FADS3: variants seen among roughly 807,000 people sequenced by gnomAD.
FADS3 encodes cytochrome b5-related protein.
A neutral mutation model predicts 60.4 loss-of-function variants in FADS3; 30 were observed. That is an observed-to-expected ratio of 0.50 (90% CI 0.37 to 0.67). The LOEUF (loss-of-function observed/expected upper bound fraction) is 0.67, where lower values mean the gene tolerates loss of function less well. FADS3 is among the 30% of genes least tolerant of loss of function. The pLI is 0.00. For synonymous variants in FADS3, 234 were observed against 249.3 expected (o/e 0.94, Z 0.58); for missense variants, 432 against 598.3 (o/e 0.72, Z 2.90).
In FADS3 at chr11:61,878,152, C is replaced by T; in HGVS notation, c.808+3G>A. 3 of 1,613,864 alleles carry T rather than the reference C, an allele frequency of 1.9e-6. No individual in the cohort carries two copies. The highest frequency in any genetic ancestry group is 2.5e-6 in the Non-Finnish European group (3 of 1,179,764). On this transcript the variant is annotated splice_donor_region_variant and intron_variant, in intron 6 of 11. Transcript: ENST00000278829. ...CACCCCAGAAGGACAGATGGACACTCACTCAGGAAGAAGTACAGGTGCTGC... is the reference window on the plus strand; with the variant it reads ...CACCCCAGAAGGACAGATGGACACTTACTCAGGAAGAAGTACAGGTGCTGC...
rs1938516768 is a variant in FADS3, at chr11:61,891,516, C to A, written c.-135G>T. 3.8e-6 allele frequency: 2 copies of A among 529,318 alleles called. No homozygotes were observed. The highest frequency in any genetic ancestry group is 9.1e-5 in the South Asian group (1 of 11,026). The allele number at this position is 529,318 out of a possible 1,614,324, so 32.8% of individuals were successfully genotyped here. A position where few individuals can be genotyped will look rare whatever the true frequency, so the allele number is the denominator to read the frequency against. ...CGGCCCCGCCCTGCCGCCGCGGCCG[C>A]CGTACGAGCGAGCGTGCGCCTCCCG... On this transcript the variant is annotated 5_prime_UTR_variant, in exon 1 of 12. Coordinates refer to ENST00000278829, the MANE Select transcript of FADS3 (RefSeq NM_021727.5).
In FADS3 at chr11:61,884,327, G is replaced by C. The variant is rs543498730; in HGVS notation, c.214-4176C>G. 3.5e-4 allele frequency among the ~76,000 whole-genome samples: 54 copies of C among 152,260 alleles called. No individual in the cohort carries two copies. The South Asian group carries it at 0.011, about 31-fold the overall frequency. On this transcript the variant is annotated intron_variant, in intron 1 of 11. Coordinates refer to ENST00000278829, the MANE Select transcript of FADS3 (RefSeq NM_021727.5). ...TTACTGGGCGGGTGAGGGGCAAGGG[G>C]AGGGAGAGCATTAGGACAAATGCCT...
At chr11:61,882,253 G>GGT (rs1938162960) in intron 1 of FADS3, 1 of 151,816 alleles carries the variant, frequency 6.6e-6, no homozygotes, top group Admixed American at 6.6e-5. Context: ...TGTTAGTACA[G>GGT]GTGTGCACCA....
intron 1 of FADS3, among the ~76,000 whole-genome samples, chr11:61,889,665 A>C (rs1333537561): frequency 6.6e-6 from 1 of 151,280 alleles, no homozygotes; most frequent in Non-Finnish European, 1.5e-5. Flanking sequence ...GGTGGGGAGT[A>C]AAGTTTTCTG....
chr11:61,875,476 G>A (rs1233777270), intron 11 of FADS3, among the ~76,000 whole-genome samples: 3 of 145,876 alleles, frequency 2.1e-5, no homozygotes, highest in Admixed American at 1.4e-4. Flanking sequence ...CAAGTGATCC[G>A]CCCACCTCAG....
In FADS3 at chr11:61,891,244, G is replaced by A; in HGVS notation, c.138C>T (p.Tyr46=). Reference sequence around the variant, plus strand: ...GCCGCTGTGCCCAGCGGCTGATGTCGTAGACGCGGCGCTCGATGACCAGCC... The same window carrying A: ...GCCGCTGTGCCCAGCGGCTGATGTCATAGACGCGGCGCTCGATGACCAGCC... The part of the protein sequence containing the change: ...DKWLVIERRV[Y]DISRWAQRHP... Residue 46 remains tyrosine, a synonymous_variant, in exon 1 of 12, where the codon TAC becomes TAT. Transcript: ENST00000278829. 1 of 1,547,252 alleles carries A rather than the reference G, an allele frequency of 6.5e-7. No homozygotes were observed. The highest frequency in any genetic ancestry group is 8.7e-7 in the Non-Finnish European group (1 of 1,148,178).
intron 11 of FADS3, among the ~76,000 whole-genome samples, chr11:61,874,416 C>T (rs954206068): frequency 2.0e-5 from 3 of 152,200 alleles, no homozygotes; most frequent in African/African-American, 2.4e-5. Flanking sequence ...AGGGGAACAG[C>T]GTGTACAAAG....
chr11:61,879,609 T>C, intron 2 of FADS3, 100 bp from the exon 3 acceptor site: 1 of 1,190,862 alleles, frequency 8.4e-7, no homozygotes, highest in South Asian at 1.4e-5. Flanking sequence ...GCCCAAGGGG[T>C]GTGGGCAAAG....
rs1036355068 is a variant in FADS3, at chr11:61,891,541, G to T, written c.-160C>A. 5 of 371,200 alleles carry T rather than the reference G, an allele frequency of 1.3e-5. No homozygotes were observed. Among genetic ancestry groups the T allele is most frequent in the Non-Finnish European group, 2.2e-5 (5 of 228,764 alleles). The allele number at this position is 371,200 out of a possible 1,614,324, so 23.0% of individuals were successfully genotyped here. ...CCGTACGAGCGAGCGTGCGCCTCCC[G>T]GCTCGCGGCGCAGGGAACTCCCCGC... On this transcript the variant is annotated 5_prime_UTR_variant, in exon 1 of 12. Coordinates refer to ENST00000278829, the MANE Select transcript of FADS3 (RefSeq NM_021727.5).
In FADS3 at chr11:61,877,347, C is replaced by T. The variant is rs1937940148; in HGVS notation, c.885+164G>A. On this transcript the variant is annotated intron_variant, in intron 7 of 11. Coordinates refer to ENST00000278829, the MANE Select transcript of FADS3 (RefSeq NM_021727.5). This position sits in a 1 kb window ranked among gnomAD's most constrained non-coding sequence, Gnocchi z 4.7. ...AGTCACGGGCACACTCGCTCTCCTG[C>T]TGCGCGCACACATGTGAGCCACACT... 10 of 448,090 alleles carry T rather than the reference C, an allele frequency of 2.2e-5. No homozygotes were observed. The highest frequency in any genetic ancestry group is 4.1e-5 in the Non-Finnish European group (10 of 241,184). 27.8% of individuals were successfully genotyped at this position (448,090 alleles called of 1,614,324 possible).
chr11:61,875,529 G>C (rs577978323), intron 11 of FADS3, among the ~76,000 whole-genome samples: 1 of 151,914 alleles, frequency 6.6e-6, no homozygotes, highest in Non-Finnish European at 1.5e-5. Context: ...CACCGCACCC[G>C]GCCCTGAGAC....
rs530417493 is a variant in FADS3 at position 61,889,949 on chromosome 11, G to A, written c.213+1220C>T. 8.5e-5 allele frequency among the ~76,000 whole-genome samples: 13 copies of A among 152,264 alleles called. No individual in the cohort carries two copies. In the East Asian group the frequency reaches 1.9e-3, roughly 23 times the overall value. ...TCAGCAAGGCCTTTGGGGAGAAGCC[G>A]TGCCCCTCACCTCGCCACGCCCTGG... On this transcript the variant is annotated intron_variant, in intron 1 of 11. Transcript: ENST00000278829.
chr11:61,891,553 A>T (rs1324576740), upstream of FADS3: 1 of 322,840 alleles, frequency 3.1e-6, no homozygotes, highest in African/African-American at 2.2e-5. Context: ...CTCGCGGCGC[A>T]GGGAACTCCC....
chr11:61,891,416 G>C lies in FADS3; in HGVS notation c.-35C>G. ...ACGAGTCCTGGGGATCCCAGGCGGT[G>C]GCCGAGGTCCGAGCAAGACCCCGAG... On this transcript the variant is annotated 5_prime_UTR_variant, in exon 1 of 12. Transcript: ENST00000278829. 7.3e-7 allele frequency: 1 copy of C among 1,376,482 alleles called. No homozygotes were observed. 85.3% of individuals were successfully genotyped at this position (1,376,482 alleles called of 1,614,324 possible).
chr11:61,879,652 G>A (rs1011654232), intron 2 of FADS3, 143 bp from the exon 3 acceptor site: 14 of 797,546 alleles, frequency 1.8e-5, no homozygotes, highest in Non-Finnish European at 2.6e-5. Context: ...CCAGCCCGGG[G>A]TGTGAGCTGG....
chr11:61,878,629 G>A lies in FADS3; in HGVS notation c.630C>T (p.Phe210=), dbSNP rs940393056. ...GGCGGAAGTTCCACCAGTGGGCGGA[G>A]AAGCCCTGTGGAGGAGGAGGGGGCT... ...QKFVMGQLKG[F]SAHWWNFRHF... The change falls in exon 5 of 12, where the codon TTC becomes TTT. Residue 210 remains phenylalanine, a synonymous_variant. Transcript: ENST00000278829. 3.1e-6 allele frequency: 5 copies of A among 1,614,144 alleles called. No homozygotes were observed. The highest frequency in any genetic ancestry group is 3.3e-4 in the Middle Eastern group (2 of 6,062).
At position 61,877,768 on chromosome 11, in the gene FADS3, C is replaced by G. The variant is rs922073743; in HGVS notation, c.809-181G>C. ...TCCAAGCCTCCCCAGGCTGCCCTTA[C>G]CCCACCACCTCCCACCACCCTTCAC... is the stretch of plus-strand genomic sequence containing the variant. On this transcript the variant is annotated intron_variant, in intron 6 of 11. Coordinates refer to ENST00000278829, the MANE Select transcript of FADS3 (RefSeq NM_021727.5). This position sits in a 1 kb window ranked among gnomAD's most constrained non-coding sequence, Gnocchi z 4.7. The G allele has an allele frequency of 6.4e-6, 4 of 627,546 alleles. No individual in the cohort carries two copies. Among genetic ancestry groups the G allele is most frequent in the Non-Finnish European group, 1.1e-5 (4 of 353,654 alleles). 38.9% of individuals were successfully genotyped at this position (627,546 alleles called of 1,614,324 possible). A position where few individuals can be genotyped will look rare whatever the true frequency, so the allele number is the denominator to read the frequency against.
chr11:61,887,343 T>C (rs1938351897), intron 1 of FADS3, among the ~76,000 whole-genome samples: 1 of 152,176 alleles, frequency 6.6e-6, no homozygotes. Context: ...CTGAGTGGCC[T>C]CCCTTGGGGG....
At position 61,877,472 on chromosome 11, in the gene FADS3, G is replaced by T; in HGVS notation, c.885+39C>A. The stretch of plus-strand genomic sequence containing the variant: ...CCCCCGAGGCACCACCTCCTGCCAC[G>T]GCAGCCGTATGCCCGGGGTCCTGGG... On this transcript the variant is annotated intron_variant, in intron 7 of 11. Transcript: ENST00000278829. This position sits in a 1 kb window ranked among gnomAD's most constrained non-coding sequence, Gnocchi z 4.7. 2 of 1,598,504 alleles carry T rather than the reference G, an allele frequency of 1.3e-6. No homozygotes were observed. The highest frequency in any genetic ancestry group is 2.2e-5 in the South Asian group (2 of 90,820).
Sources: gnomAD v4.1 joint callset for allele counts (sites outside exome capture counted in the v4.1 genomes callset) on GRCh38, gnomAD v4.1.1 for gene constraint, Gnocchi (gnomAD v3.1) non-coding constraint, MANE v1.5 for transcripts, NCBI Gene and HGNC (gene_info 2026-07-23, HGNC 2026-07-21) for gene names.